DLG2: variants seen among roughly 807,000 people sequenced by gnomAD.
The protein encoded by DLG2 is disks large homolog 2.
DLG2 carries 45 observed loss-of-function variants against 132.5 expected under a neutral mutation model. That is an observed-to-expected ratio of 0.34 (90% CI 0.27 to 0.44). The LOEUF is 0.44. DLG2 is among the 20% of genes least tolerant of loss of function. The probability of loss-of-function intolerance (pLI) is 1.00; values close to 1 mark genes in which losing one functional copy is unlikely to be tolerated. For synonymous variants in DLG2, 424 were observed against 419.6 expected, an observed-to-expected ratio of 1.01 and a Z score of -0.13; for missense variants, 1,045 against 1,196.9, an observed-to-expected ratio of 0.87 and a Z score of 1.87.
At chr11:84,504,106 T>C (rs1676939883) in intron 7 of DLG2, among the ~76,000 whole-genome samples, 1 of 152,208 alleles carries the variant, frequency 6.6e-6, no homozygotes. Context: ...GACCAAACTG[T>C]ACATGTGTTA....
intron 3 of DLG2, among the ~76,000 whole-genome samples, chr11:85,527,311 G>A (rs1262929668): frequency 6.6e-6 from 1 of 151,642 alleles, no homozygotes; most frequent in African/African-American, 2.4e-5. Flanking sequence ...AGCCCCACAT[G>A]CATTAGGTCT....
intron 3 of DLG2, among the ~76,000 whole-genome samples, chr11:85,519,610 G>A (rs748822500): frequency 2.0e-5 from 3 of 152,170 alleles, no homozygotes; most frequent in Admixed American, 6.5e-5. Flanking sequence ...GTGGACTTCC[G>A]TTAATGCTGA....
At chr11:85,148,947 A>G (rs1352501017) in intron 5 of DLG2, among the ~76,000 whole-genome samples, 1 of 152,152 alleles carries the variant, frequency 6.6e-6, no homozygotes, top group Non-Finnish European at 1.5e-5. Flanking sequence ...GAAGGGGTCA[A>G]GTTTCAGTTT....
intron 16 of DLG2, among the ~76,000 whole-genome samples, chr11:83,836,250 G>C (rs780749590): frequency 5.3e-5 from 8 of 152,258 alleles, no homozygotes; most frequent in Non-Finnish European, 1.2e-4. Flanking sequence ...CTATTGATTT[G>C]CATGTTCATC....
intron 9 of DLG2, among the ~76,000 whole-genome samples, chr11:84,128,565 C>G (rs2094280839): frequency 1.3e-5 from 2 of 152,072 alleles, no homozygotes; most frequent in South Asian, 4.1e-4. Context: ...CTGGGTAAAT[C>G]TAACTGTTCT....
At chr11:84,006,874 T>C (rs945726428) in intron 11 of DLG2, among the ~76,000 whole-genome samples, 1 of 151,704 alleles carries the variant, frequency 6.6e-6, no homozygotes, top group African/African-American at 2.4e-5. Context: ...CCCCCAACAC[T>C]GACTGTTTGT....
intron 6 of DLG2, among the ~76,000 whole-genome samples, chr11:84,743,567 CAA>C (rs2064968682): frequency 6.6e-6 from 1 of 151,926 alleles, no homozygotes; most frequent in African/African-American, 2.4e-5. Flanking sequence ...CTAGAGAAGA[CAA>C]AGAGTCATGT....
chr11:83,646,519 TCTCTC>T (rs1323439859), intron 18 of DLG2: 1 of 152,246 alleles, frequency 6.6e-6, no homozygotes, highest in Admixed American at 6.6e-5. Context: ...CTTTTGGTGG[TCTCTC>T]CTCTCACACA....
At chr11:84,294,860 T>C (rs1304810862) in intron 7 of DLG2, among the ~76,000 whole-genome samples, 1 of 152,156 alleles carries the variant, frequency 6.6e-6, no homozygotes, top group Non-Finnish European at 1.5e-5. Context: ...CAAAAATATT[T>C]TATTTATTTC....
intron 18 of DLG2, among the ~76,000 whole-genome samples, chr11:83,754,008 A>G (rs1414633415): frequency 2.0e-5 from 3 of 148,880 alleles, no homozygotes; most frequent in East Asian, 1.9e-4. Flanking sequence ...CAATTCAACC[A>G]AATCCTGCCT....
intron 18 of DLG2, among the ~76,000 whole-genome samples, chr11:83,708,429 A>G (rs2084574348): frequency 6.6e-6 from 1 of 152,232 alleles, no homozygotes; most frequent in South Asian, 2.1e-4. Context: ...AAGTATCAGT[A>G]GCCCAAGATC....
chr11:84,633,003 C>T (rs2099634673), intron 6 of DLG2, among the ~76,000 whole-genome samples: 2 of 152,168 alleles, frequency 1.3e-5, no homozygotes, highest in Non-Finnish European at 2.9e-5. Context: ...GTAAACTCCT[C>T]AGCATCAAAT....
At chr11:84,492,292 C>G (rs1471862351) in intron 7 of DLG2, among the ~76,000 whole-genome samples, 1 of 152,086 alleles carries the variant, frequency 6.6e-6, no homozygotes, top group Non-Finnish European at 1.5e-5. Flanking sequence ...TAACTACATT[C>G]AAGTATATGT....
chr11:83,607,365 CAGA>C lies in DLG2; in HGVS notation c.1940+25843_1940+25845del, dbSNP rs770063660. On this transcript the variant is annotated intron_variant, in intron 19 of 27. Transcript: ENST00000376104. ...GTTTAAATCTCATACTCTCAATTCA[CAGA>C]AGAACCGTCTCAGTTAATGTATTCA... 3.9e-5 allele frequency among the ~76,000 whole-genome samples: 6 copies of C among 152,306 alleles called. No homozygotes were observed. The South Asian group carries it at 6.2e-4, about 16-fold the overall frequency.
At chr11:84,760,615 C>T (rs1417261691) in intron 6 of DLG2, among the ~76,000 whole-genome samples, 1 of 152,214 alleles carries the variant, frequency 6.6e-6, no homozygotes, top group East Asian at 1.9e-4. Flanking sequence ...ACCTTCATGA[C>T]TATACTTTTA....
intron 6 of DLG2, among the ~76,000 whole-genome samples, chr11:84,998,088 C>T (rs2057840218): frequency 6.6e-6 from 1 of 151,916 alleles, no homozygotes; most frequent in South Asian, 2.1e-4. Context: ...CTCATATTTG[C>T]TGCTTAGTCT....
intron 3 of DLG2, among the ~76,000 whole-genome samples, chr11:85,567,250 T>G (rs1242986634): frequency 6.6e-6 from 1 of 152,226 alleles, no homozygotes; most frequent in Non-Finnish European, 1.5e-5. Context: ...TGAATCTATA[T>G]CAATACAGGA....
At chr11:85,323,486 C>G (rs1158213832) in intron 3 of DLG2, among the ~76,000 whole-genome samples, 1 of 152,172 alleles carries the variant, frequency 6.6e-6, no homozygotes, top group African/African-American at 2.4e-5. Flanking sequence ...AAATATTTGT[C>G]ATTTCTTTGT....
chr11:83,503,354 C>A (rs552131443), intron 21 of DLG2, among the ~76,000 whole-genome samples: 2 of 90,824 alleles, frequency 2.2e-5, no homozygotes, highest in Admixed American at 1.3e-4. Context: ...TATATATATA[C>A]ACACACACAC....
Sources: gnomAD v4.1 joint callset for allele counts (sites outside exome capture counted in the v4.1 genomes callset) on GRCh38, gnomAD v4.1.1 for gene constraint, MANE v1.5 for transcripts, NCBI Gene and HGNC (gene_info 2026-07-23, HGNC 2026-07-21) for gene names.